Variants in IGBP1 observed in about 807,000 individuals in gnomAD.
IGBP1 encodes immunoglobulin-binding protein 1.
In IGBP1, 2 loss-of-function variants were observed where a neutral mutation model predicts 25.9. The observed-to-expected ratio is 0.08, with a 90% CI of 0.03 to 0.24. The LOEUF (loss-of-function observed/expected upper bound fraction) is 0.24, where lower values mean the gene tolerates loss of function less well. Among genes scored for constraint, IGBP1 ranks in the 10% least tolerant of loss-of-function variants. The probability of loss-of-function intolerance (pLI) is 1.00; values close to 1 mark genes in which losing one functional copy is unlikely to be tolerated. For missense variants in IGBP1, 187 were observed against 260.4 expected, an observed-to-expected ratio of 0.72 and a Z score of 1.94; for synonymous variants, 96 against 93.4, an observed-to-expected ratio of 1.03 and a Z score of -0.16.
At position 70,165,973 on chromosome X, in the gene IGBP1, A is replaced by G. The variant is rs145852352; in HGVS notation, c.1012A>G (p.Met338Val). The change falls in exon 7 of 7, where the codon ATG (methionine) becomes GTG (valine). Residue 338 changes from methionine to valine, a missense_variant. Physicochemically the swap from Met to Val is conservative, Grantham distance 21. Coordinates refer to ENST00000356413, the MANE Select transcript of IGBP1 (RefSeq NM_001551.3). ...TAGGGGCTATGGGAACCGACAGAAC[A>G]TGGGCTGATCTTCCCACAACACCAC... is the stretch of plus-strand genomic sequence containing the variant. The part of the protein sequence containing the change: ...HPRGYGNRQN[M>V]G 1 of 1,209,132 alleles carries G rather than the reference A, an allele frequency of 8.3e-7. No homozygotes were observed. Among genetic ancestry groups the G allele is most frequent in the African/African-American group, 1.8e-5 (1 of 56,963 alleles).
At chrX:70,158,780 G>C (rs1237680679) in intron 6 of IGBP1, among the ~76,000 whole-genome samples, 1 of 111,858 alleles carries the variant, frequency 8.9e-6, no homozygotes, top group Non-Finnish European at 1.9e-5. Flanking sequence ...GGAGGCAGAG[G>C]TTGCAGTGAG....
At chrX:70,152,873 C>T (rs935355352) in intron 6 of IGBP1, among the ~76,000 whole-genome samples, 3 of 111,228 alleles carry the variant, frequency 2.7e-5, no homozygotes, top group African/African-American at 9.8e-5. Flanking sequence ...CTCATGTATG[C>T]GCAATTGGAA....
At chrX:70,157,202 T>C (rs1234422491) in intron 6 of IGBP1, among the ~76,000 whole-genome samples, 1 of 104,968 alleles carries the variant, frequency 9.5e-6, no homozygotes, top group Non-Finnish European at 1.9e-5. Flanking sequence ...GTGTGTAACT[T>C]TCAACACTTA....
intron 6 of IGBP1, among the ~76,000 whole-genome samples, chrX:70,150,799 A>T (rs1025906632): frequency 1.8e-5 from 2 of 112,169 alleles, no homozygotes; most frequent in Non-Finnish European, 3.8e-5. Context: ...ACTTTGACTT[A>T]CTGTACCTTT....
In IGBP1 at chrX:70,148,014, G is replaced by A. The variant is rs754134823; in HGVS notation, c.679-747G>A. Among the ~76,000 whole-genome samples the A allele has an allele frequency of 2.7e-5, 3 of 111,940 alleles. No homozygotes were observed. The Admixed American group carries it at 2.8e-4, about 11-fold the overall frequency. On this transcript the variant is annotated intron_variant, in intron 4 of 6. Coordinates refer to ENST00000356413, the MANE Select transcript of IGBP1 (RefSeq NM_001551.3). ...AGTGCTTTTCAAGCATTTTGAGGCT[G>A]GACTTTTCTGGGTCCTGCCCTGTCC...
At chrX:70,155,704 T>C (rs1460006376) in intron 6 of IGBP1, among the ~76,000 whole-genome samples, 1 of 111,169 alleles carries the variant, frequency 9.0e-6, no homozygotes, top group Non-Finnish European at 1.9e-5. Flanking sequence ...GAAATACTTC[T>C]GGTCCCATGC....
At chrX:70,161,607 T>G (rs1418549105) in intron 6 of IGBP1, among the ~76,000 whole-genome samples, 1 of 112,054 alleles carries the variant, frequency 8.9e-6, no homozygotes, top group African/African-American at 3.2e-5. Flanking sequence ...ACATCACAGC[T>G]TAGCCTAACC....
chrX:70,137,081 G>A (rs927058171), intron 3 of IGBP1, among the ~76,000 whole-genome samples: 1 of 111,554 alleles, frequency 9.0e-6, no homozygotes, highest in Admixed American at 9.6e-5. Flanking sequence ...AGGAAACAGT[G>A]AGGGAAAAGA....
At chrX:70,137,262 T>G (rs2085100630) in intron 3 of IGBP1, among the ~76,000 whole-genome samples, 1 of 110,491 alleles carries the variant, frequency 9.1e-6, no homozygotes, top group African/African-American at 3.3e-5. Context: ...CTGATTTAGG[T>G]GGATGGCTGT....
intron 6 of IGBP1, among the ~76,000 whole-genome samples, chrX:70,151,698 C>T (rs1200203427): frequency 9.0e-6 from 1 of 110,687 alleles, no homozygotes; most frequent in East Asian, 2.9e-4. Flanking sequence ...AGCAATATGG[C>T]GAAACCCCGT....
In IGBP1 at chrX:70,165,879, G is replaced by A; in HGVS notation, c.918G>A (p.Lys306=). 8.3e-7 allele frequency: 1 copy of A among 1,208,612 alleles called. No homozygotes were observed. The highest frequency in any genetic ancestry group is 1.1e-6 in the Non-Finnish European group (1 of 893,242). Residue 306 remains lysine (K), a synonymous_variant, in exon 7 of 7, where the codon AAG becomes AAA. Coordinates refer to ENST00000356413, the MANE Select transcript of IGBP1 (RefSeq NM_001551.3). ...AGCAACAGGAAGAACAAGAAGAAAA[G>A]GAGGAAGAGGATGATGAACAAACAC... ...AAQQQEEQEE[K]EEEDDEQTLH...
intron 1 of IGBP1, 75 bp from the exon 2 acceptor site, chrX:70,133,648 C>G: frequency 4.7e-6 from 2 of 427,735 alleles, no homozygotes; most frequent in Non-Finnish European, 4.1e-6. Flanking sequence ...CAGAACTTCT[C>G]AGCCCCGTGT....
At chrX:70,134,454 C>T (rs2085082783) in intron 2 of IGBP1, 69 bp from the exon 3 acceptor site, 3 of 1,086,015 alleles carry the variant, frequency 2.8e-6, no homozygotes. Context: ...CCCACTCCGT[C>T]CCCCAGAAAG....
intron 6 of IGBP1, among the ~76,000 whole-genome samples, chrX:70,159,155 GA>G (rs1284576139): frequency 9.0e-6 from 1 of 111,528 alleles, no homozygotes; most frequent in Non-Finnish European, 1.9e-5. Flanking sequence ...AATCATTTCA[GA>G]AATATAGGCT....
chrX:70,139,239 G>A (rs910431474), intron 3 of IGBP1, among the ~76,000 whole-genome samples: 1 of 108,633 alleles, frequency 9.2e-6, no homozygotes, highest in Non-Finnish European at 1.9e-5. Flanking sequence ...GAACCCAGGA[G>A]GTGGAGGTTG....
At chrX:70,147,162 G>A (rs995801076) in intron 4 of IGBP1, among the ~76,000 whole-genome samples, 2 of 111,618 alleles carry the variant, frequency 1.8e-5, no homozygotes, top group East Asian at 2.8e-4. Flanking sequence ...TGGCCACCAC[G>A]GTGGCTCATG....
chrX:70,145,933 T>C lies in IGBP1; in HGVS notation c.483-700T>C, dbSNP rs1248653399. Among the ~76,000 whole-genome samples, 5 of 112,094 alleles carry C rather than the reference T, an allele frequency of 4.5e-5. No individual in the cohort carries two copies. In the Admixed American group the frequency reaches 4.8e-4, roughly 11 times the overall value. Reference sequence around the variant, plus strand: ...ATAGCACTTATCACGACCTAACTCATCTATTTCTTTTTGTCTACTCCCACT... The same window carrying C: ...ATAGCACTTATCACGACCTAACTCACCTATTTCTTTTTGTCTACTCCCACT... On this transcript the variant is annotated intron_variant, in intron 3 of 6. Transcript: ENST00000356413.
intron 6 of IGBP1, among the ~76,000 whole-genome samples, chrX:70,161,743 T>C (rs1164699026): frequency 9.0e-6 from 1 of 111,427 alleles, no homozygotes; most frequent in African/African-American, 3.3e-5. Flanking sequence ...ACTGTATGCA[T>C]GTCACTTTCA....
intron 4 of IGBP1, among the ~76,000 whole-genome samples, chrX:70,148,135 A>T (rs2097778293): frequency 9.0e-6 from 1 of 111,715 alleles, no homozygotes; most frequent in Non-Finnish European, 1.9e-5. Flanking sequence ...TTCATGTGGT[A>T]TTGGAATTGG....
Sources: gnomAD v4.1 joint callset for allele counts (sites outside exome capture counted in the v4.1 genomes callset) on GRCh38, gnomAD v4.1.1 for gene constraint, MANE v1.5 for transcripts, NCBI Gene and HGNC (gene_info 2026-07-23, HGNC 2026-07-21) for gene names.